The following RSU1 variants were observed in gnomAD, a reference collection of about 807,000 sequenced individuals.
RSU1 encodes rsu-1.
In RSU1, 26 loss-of-function variants were observed where a neutral mutation model predicts 31.1. The ratio of observed to expected loss-of-function variants is 0.84; its 90% CI spans 0.61 to 1.16. The LOEUF is 1.16. Ranked by LOEUF, RSU1 falls within the 50% of genes most tolerant of loss-of-function variation. RSU1 has a pLI of 0.00. For synonymous variants in RSU1, 164 were observed against 136.3 expected (o/e 1.20, Z -1.41); for missense variants, 320 against 339.1 (o/e 0.94, Z 0.44).
intron 2 of RSU1, among the ~76,000 whole-genome samples, chr10:16,793,336 A>G (rs1837965526): frequency 1.3e-5 from 2 of 152,168 alleles, no homozygotes; most frequent in Non-Finnish European, 2.9e-5. Flanking sequence ...TCAATCAATG[A>G]CAAAACAATT....
intron 7 of RSU1, among the ~76,000 whole-genome samples, chr10:16,730,550 C>T (rs979241036): frequency 6.6e-6 from 1 of 152,112 alleles, no homozygotes; most frequent in African/African-American, 2.4e-5. Flanking sequence ...CAGGAGAGAG[C>T]CCAGTAAATA....
intron 8 of RSU1, among the ~76,000 whole-genome samples, chr10:16,674,181 G>A (rs1835176628): frequency 6.6e-6 from 1 of 152,054 alleles, no homozygotes; most frequent in Non-Finnish European, 1.5e-5. Context: ...CCCCGATATT[G>A]CCCTTTAAAA....
chr10:16,692,090 T>C (rs527746517), intron 8 of RSU1, among the ~76,000 whole-genome samples: 4 of 152,174 alleles, frequency 2.6e-5, no homozygotes, highest in South Asian at 4.2e-4. Context: ...CTTAACTGCA[T>C]AAAAGGTAAT....
chr10:16,752,768 C>A (rs1588512794), intron 6 of RSU1, 115 bp from the exon 7 acceptor site: 3 of 1,036,160 alleles, frequency 2.9e-6, no homozygotes, highest in East Asian at 4.9e-5. Flanking sequence ...CATGTATTTA[C>A]AAGTGCCGGC....
At chr10:16,728,783 C>T (rs184479945) in intron 7 of RSU1, among the ~76,000 whole-genome samples, 15 of 152,178 alleles carry the variant, frequency 9.9e-5, no homozygotes, top group Admixed American at 5.2e-4. Flanking sequence ...AATGTGATGA[C>T]GGTAGCAGAG....
At chr10:16,809,002 C>CACTATGATCTTGAT in intron 2 of RSU1, among the ~76,000 whole-genome samples, 1 of 152,322 alleles carries the variant, frequency 6.6e-6, no homozygotes, top group East Asian at 1.9e-4. Context: ...TCTTGAACTT[C>CACTATGATCTTGAT]CAGCCTCCAG....
intron 8 of RSU1, among the ~76,000 whole-genome samples, chr10:16,672,480 G>T (rs1268939126): frequency 1.3e-5 from 2 of 152,076 alleles, no homozygotes; most frequent in African/African-American, 4.8e-5. Flanking sequence ...CCACCAGCAG[G>T]CAAAAGGATA....
chr10:16,684,052 G>A (rs1835390656), intron 8 of RSU1, among the ~76,000 whole-genome samples: 1 of 152,136 alleles, frequency 6.6e-6, no homozygotes, highest in African/African-American at 2.4e-5. Flanking sequence ...GATGACAAAT[G>A]TTCCCTATTC....
chr10:16,792,362 A>G (rs1192742688), intron 2 of RSU1, among the ~76,000 whole-genome samples: 1 of 152,172 alleles, frequency 6.6e-6, no homozygotes, highest in African/African-American at 2.4e-5. Context: ...CCTCCCGAGT[A>G]GCTGAGACTA....
chr10:16,697,191 C>A (rs1588721138), intron 7 of RSU1, among the ~76,000 whole-genome samples: 1 of 152,030 alleles, frequency 6.6e-6, no homozygotes, highest in East Asian at 1.9e-4. Context: ...TGCAGCAATG[C>A]CCTCATCAGC....
intron 7 of RSU1, among the ~76,000 whole-genome samples, chr10:16,703,281 T>TA (rs1835832108): frequency 6.6e-6 from 1 of 152,212 alleles, no homozygotes; most frequent in Non-Finnish European, 1.5e-5. Context: ...AACAGACTAA[T>TA]ACAGCAGCGT....
intron 2 of RSU1, among the ~76,000 whole-genome samples, chr10:16,784,352 C>T (rs1330719645): frequency 1.3e-5 from 2 of 152,082 alleles, no homozygotes; most frequent in African/African-American, 2.4e-5. Context: ...ATTCATTCAT[C>T]GGTATTAGTC....
At chr10:16,780,376 A>G (rs1171385606) in intron 3 of RSU1, among the ~76,000 whole-genome samples, 1 of 152,116 alleles carries the variant, frequency 6.6e-6, no homozygotes, top group East Asian at 1.9e-4. Flanking sequence ...AGTAGCTGGG[A>G]CCACAGGTGC....
At chr10:16,664,711 T>C (rs898576806) in intron 8 of RSU1, among the ~76,000 whole-genome samples, 4 of 152,198 alleles carry the variant, frequency 2.6e-5, no homozygotes, top group Admixed American at 6.5e-5. Flanking sequence ...TATAATTTAA[T>C]TAATATTCTA....
intron 8 of RSU1, among the ~76,000 whole-genome samples, chr10:16,616,030 C>T (rs1363848443): frequency 6.6e-6 from 1 of 152,000 alleles, no homozygotes; most frequent in Admixed American, 6.6e-5. Flanking sequence ...CAGACCAGAA[C>T]TGAAGGAGTC....
chr10:16,602,082 G>C (rs1333657701), intron 8 of RSU1, among the ~76,000 whole-genome samples: 1 of 152,010 alleles, frequency 6.6e-6, no homozygotes, highest in Admixed American at 6.6e-5. Flanking sequence ...TGTTATTACT[G>C]CCAGGAATGC....
chr10:16,705,694 T>C (rs1484002122), intron 7 of RSU1, among the ~76,000 whole-genome samples: 1 of 152,208 alleles, frequency 6.6e-6, no homozygotes, highest in Non-Finnish European at 1.5e-5. Context: ...TTCACCATGT[T>C]GGCCAAGCTG....
At chr10:16,796,620 A>T (rs1294485504) in intron 2 of RSU1, among the ~76,000 whole-genome samples, 4 of 152,180 alleles carry the variant, frequency 2.6e-5, no homozygotes, top group African/African-American at 9.7e-5. Flanking sequence ...CATCACAATG[A>T]TCATTTTTTG....
intron 3 of RSU1, among the ~76,000 whole-genome samples, chr10:16,780,975 C>T (rs535322409): frequency 1.1e-4 from 17 of 152,276 alleles, no homozygotes; most frequent in Middle Eastern, 3.4e-3. Context: ...CATGAGGGGA[C>T]CCTGCTGCCA....
Sources: allele counts gnomAD v4.1 joint callset (sites outside exome capture counted in the v4.1 genomes callset), GRCh38; gene constraint gnomAD v4.1.1; transcripts MANE v1.5; gene names NCBI Gene and HGNC (gene_info 2026-07-23, HGNC 2026-07-21).